Variants in MTMR8 observed in about 807,000 individuals in gnomAD.
MTMR8 encodes phosphatidylinositol-3,5-bisphosphate 3-phosphatase MTMR8.
MTMR8 carries 65 observed loss-of-function variants against 39.3 expected under a neutral mutation model. That is an observed-to-expected ratio of 1.65 (90% CI 1.35 to 2.03). The LOEUF (loss-of-function observed/expected upper bound fraction) is 2.03. MTMR8 is among the 30% of genes most tolerant of loss of function. The pLI, the probability that MTMR8 is intolerant of heterozygous loss-of-function variation, is 0.00. For synonymous variants in MTMR8, 245 were observed against 185.2 expected (o/e 1.32, Z -2.62); for missense variants, 777 against 538.9 (o/e 1.44, Z -4.37).
At chrX:64,303,294 C>G (rs1921965596) in intron 12 of MTMR8, among the ~76,000 whole-genome samples, 2 of 111,588 alleles carry the variant, frequency 1.8e-5, no homozygotes, top group African/African-American at 6.5e-5. Flanking sequence ...GTTTATTTCT[C>G]CAAGACAGCC....
At chrX:64,327,195 A>C (rs747778105) in intron 12 of MTMR8, among the ~76,000 whole-genome samples, 4 of 111,852 alleles carry the variant, frequency 3.6e-5, no homozygotes, top group Non-Finnish European at 7.5e-5. Context: ...GATTACATCA[A>C]ACTAAAAAGC....
intron 12 of MTMR8, chrX:64,306,279 T>C (rs1435445801): frequency 9.2e-6 from 3 of 325,921 alleles, no homozygotes; most frequent in Admixed American, 9.2e-5. Context: ...TGGCACAGCA[T>C]TGGACTGAAC....
At chrX:64,371,420 G>A (rs1273738873) in intron 1 of MTMR8, among the ~76,000 whole-genome samples, 1 of 111,713 alleles carries the variant, frequency 9.0e-6, no homozygotes, top group Non-Finnish European at 1.9e-5. Context: ...GCATGGTTGT[G>A]GTAAAACTGG....
At chrX:64,326,922 A>G (rs149445014) in intron 12 of MTMR8, among the ~76,000 whole-genome samples, 157 of 111,282 alleles carry the variant, frequency 1.4e-3, no homozygotes, top group Admixed American at 3.8e-3. Context: ...GTGAAGAACA[A>G]ACATTGGGGA....
chrX:64,384,242 C>T (rs1358035316), intron 1 of MTMR8, among the ~76,000 whole-genome samples: 1 of 112,080 alleles, frequency 8.9e-6, no homozygotes, highest in Non-Finnish European at 1.9e-5. Context: ...ATCTCTGCCC[C>T]TGTGGTTTTG....
In MTMR8 at chrX:64,329,653, A is replaced by G. The variant is rs190024743; in HGVS notation, c.1353-753T>C. On this transcript the variant is annotated intron_variant, in intron 11 of 13. Coordinates refer to ENST00000374852, the MANE Select transcript of MTMR8 (RefSeq NM_017677.4). ...AACCACCCATGAGAAGGTCATTTGC[A>G]CACACACCATGTCAAAGGAAGCTAA... Among the ~76,000 whole-genome samples the G allele has an allele frequency of 1.1e-3, 125 of 111,271 alleles. 1 individual carries two copies. Among genetic ancestry groups the G allele is most frequent in the Middle Eastern group, 4.7e-3 (1 of 215 alleles).
chrX:64,383,825 C>T (rs1924493955), intron 1 of MTMR8, among the ~76,000 whole-genome samples: 1 of 111,101 alleles, frequency 9.0e-6, no homozygotes, highest in African/African-American at 3.3e-5. Context: ...CAGAACCAAA[C>T]CATATCATTC....
chrX:64,376,831 A>T (rs1924282949), intron 1 of MTMR8, among the ~76,000 whole-genome samples: 1 of 112,157 alleles, frequency 8.9e-6, no homozygotes, highest in Non-Finnish European at 1.9e-5. Flanking sequence ...AGAGACCTTC[A>T]CAGCAGCCCC....
intron 12 of MTMR8, among the ~76,000 whole-genome samples, chrX:64,313,379 C>G (rs886579507): frequency 8.9e-6 from 1 of 112,726 alleles, no homozygotes; most frequent in African/African-American, 3.2e-5. Flanking sequence ...AACTTTTCTC[C>G]TGCAGCTTCC....
Position 64,331,391 on chromosome X carries a change from G to C in MTMR8, c.1352+166C>G, listed in dbSNP as rs1300544640. Reference sequence around the variant, plus strand: ...CAGATGAGATATCTTAGGGTTCTGAGAGATCTCTGTGCAAACATTGAGTGC... The same window carrying C: ...CAGATGAGATATCTTAGGGTTCTGACAGATCTCTGTGCAAACATTGAGTGC... On this transcript the variant is annotated intron_variant, in intron 11 of 13. Transcript: ENST00000374852. 4.6e-5 allele frequency: 21 copies of C among 455,309 alleles called. No homozygotes were observed. The East Asian group carries it at 6.7e-4, about 15-fold the overall frequency. The allele number at this position is 455,309 out of a possible 1,213,427, so 37.5% of individuals were successfully genotyped here. A position where few individuals can be genotyped will look rare whatever the true frequency, so the allele number is the denominator to read the frequency against.
chrX:64,279,019 G>A (rs1218808973), intron 12 of MTMR8, among the ~76,000 whole-genome samples: 2 of 102,299 alleles, frequency 2.0e-5, no homozygotes, highest in South Asian at 3.8e-4. Flanking sequence ...CCTGCTGGGA[G>A]GTATCTCCTA....
intron 12 of MTMR8, among the ~76,000 whole-genome samples, chrX:64,300,949 G>C (rs1358558800): frequency 9.1e-6 from 1 of 109,639 alleles, no homozygotes; most frequent in Non-Finnish European, 1.9e-5. Flanking sequence ...GAGATCCGCT[G>C]TTAGTCTGAT....
intron 12 of MTMR8, among the ~76,000 whole-genome samples, chrX:64,322,896 G>A (rs1159904307): frequency 8.9e-6 from 1 of 112,741 alleles, no homozygotes; most frequent in African/African-American, 3.2e-5. Flanking sequence ...GTGGTACTCT[G>A]TCCCTAGAGG....
chrX:64,366,976 A>G (rs759066925), intron 1 of MTMR8, among the ~76,000 whole-genome samples: 4 of 112,001 alleles, frequency 3.6e-5, no homozygotes, highest in African/African-American at 1.3e-4. Context: ...AATACTATAA[A>G]CACCTCTACA....
At position 64,268,954 on chromosome X, in the gene MTMR8, C is replaced by G. The variant is rs909751044; in HGVS notation, c.1698G>C (p.Leu566Phe). ...NILSQHLGSP[L>F]TNPLGFMGIN... The stretch of plus-strand genomic sequence containing the variant: ...TACCCATAAAGCCAAGAGGATTGGT[C>G]AAAGGACTTCCCAGATGCTGGGATA... The change falls in exon 14 of 14, where the codon TTG becomes TTC. Residue 566 changes from leucine (L) to phenylalanine (F), a missense_variant. By Grantham distance (22) the Leu-to-Phe change is conservative. Transcript: ENST00000374852. The G allele has an allele frequency of 8.3e-7, 1 of 1,209,794 alleles. No homozygotes were observed. The highest frequency in any genetic ancestry group is 1.1e-6 in the Non-Finnish European group (1 of 895,141).
chrX:64,318,194 C>T (rs903228705), intron 12 of MTMR8, among the ~76,000 whole-genome samples: 3 of 112,184 alleles, frequency 2.7e-5, no homozygotes, highest in Non-Finnish European at 5.6e-5. Context: ...GATTTAAATT[C>T]CAACTCCCCA....
At chrX:64,341,878 A>G (rs1269260778) in intron 8 of MTMR8, among the ~76,000 whole-genome samples, 1 of 112,304 alleles carries the variant, frequency 8.9e-6, no homozygotes, top group East Asian at 2.8e-4. Flanking sequence ...TATTTCTGAA[A>G]TGTTTACTTC....
chrX:64,371,371 T>A (rs1924127908), intron 1 of MTMR8, among the ~76,000 whole-genome samples: 1 of 112,263 alleles, frequency 8.9e-6, no homozygotes, highest in Non-Finnish European at 1.9e-5. Flanking sequence ...ATGGAGCTAC[T>A]ATTTTATACG....
chrX:64,272,487 C>T (rs751298243), intron 12 of MTMR8, among the ~76,000 whole-genome samples: 13 of 109,499 alleles, frequency 1.2e-4, no homozygotes, highest in Non-Finnish European at 2.3e-4. Flanking sequence ...CAGAAGGACA[C>T]AAAGAAAAAA....
Sources: allele counts gnomAD v4.1 joint callset (sites outside exome capture counted in the v4.1 genomes callset), GRCh38; gene constraint gnomAD v4.1.1; transcripts MANE v1.5; gene names NCBI Gene and HGNC (gene_info 2026-07-23, HGNC 2026-07-21).